The following RBFOX3 variants were observed in gnomAD, a reference collection of about 807,000 sequenced individuals.
RBFOX3 encodes the protein RNA binding fox-1 homolog 3.
A neutral mutation model predicts 48.7 loss-of-function variants in RBFOX3; 17 were observed. The ratio of observed to expected loss-of-function variants is 0.35; its 90% CI spans 0.24 to 0.52. RBFOX3 has a LOEUF of 0.52. Among genes scored for constraint, RBFOX3 ranks in the 20% least tolerant of loss-of-function variants. The pLI is 0.94. For synonymous variants in RBFOX3, 212 were observed against 209.5 expected (o/e 1.01, Z -0.10); for missense variants, 382 against 497.5 (o/e 0.77, Z 2.21).
chr17:79,456,557 G>A (rs923903484), intron 2 of RBFOX3, among the ~76,000 whole-genome samples: 5 of 152,098 alleles, frequency 3.3e-5, no homozygotes, highest in Non-Finnish European at 5.9e-5. Context: ...CTCTGCCTCT[G>A]ACCTAGTTCC....
intron 3 of RBFOX3, among the ~76,000 whole-genome samples, chr17:79,248,185 G>A (rs2063435720): frequency 6.6e-6 from 1 of 152,184 alleles, no homozygotes; most frequent in Non-Finnish European, 1.5e-5. Flanking sequence ...GAAGACTTCT[G>A]CACCTCTTGG....
intron 2 of RBFOX3, among the ~76,000 whole-genome samples, chr17:79,476,998 C>G (rs371568555): frequency 6.6e-6 from 1 of 151,904 alleles, no homozygotes; most frequent in African/African-American, 2.4e-5. Flanking sequence ...TTTGGGAGGC[C>G]TAGGTGGGTG....
rs1444134240 is a variant in RBFOX3, at chr17:79,445,325, G to A, written c.-175+37129C>T. Among the ~76,000 whole-genome samples, 5 of 152,196 alleles carry A rather than the reference G, an allele frequency of 3.3e-5. No individual in the cohort carries two copies. In the East Asian group the frequency reaches 9.6e-4, roughly 29 times the overall value. The stretch of plus-strand genomic sequence containing the variant: ...AGTGGGAATGTCAGGTGAAGCTCAG[G>A]CTGCAGGAGCCAAGGATGAAAAATG... On this transcript the variant is annotated intron_variant, in intron 2 of 14. Transcript: ENST00000693108.
chr17:79,473,828 A>G lies in RBFOX3; in HGVS notation c.-175+8626T>C, dbSNP rs1304184730. Among the ~76,000 whole-genome samples the G allele has an allele frequency of 6.6e-6, 1 of 151,980 alleles. No individual in the cohort carries two copies. The highest frequency in any genetic ancestry group is 2.4e-5 in the African/African-American group (1 of 41,360). Reference sequence around the variant, plus strand: ...CCATTTTTCTCCTCCTCCTAAAAGCACACACACACACTCACACACACACAC... The same window carrying G: ...CCATTTTTCTCCTCCTCCTAAAAGCGCACACACACACTCACACACACACAC... On this transcript the variant is annotated intron_variant, in intron 2 of 14. Transcript: ENST00000693108. The surrounding 1 kb of genome is among the most constrained non-coding windows in gnomAD (Gnocchi z 4.2).
rs556329297 is a variant in RBFOX3 at position 79,249,082 on chromosome 17, C to T, written c.-73-13277G>A. ...GAGGCTGCCTCCCCTGGGTCGGCAA[C>T]GCCACCTCGCTTCCTGCAGCTGACA... is the stretch of plus-strand genomic sequence containing the variant. On this transcript the variant is annotated intron_variant, in intron 3 of 14. Coordinates refer to ENST00000693108, the MANE Select transcript of RBFOX3 (RefSeq NM_001350451.2). The surrounding 1 kb of genome is among the most constrained non-coding windows in gnomAD (Gnocchi z 4.1). Among the ~76,000 whole-genome samples, 35 of 152,310 alleles carry T rather than the reference C, an allele frequency of 2.3e-4. No individual in the cohort carries two copies. The highest frequency in any genetic ancestry group is 4.6e-4 in the Non-Finnish European group (31 of 68,034).
At chr17:79,486,890 G>A (rs2079687856) in intron 1 of RBFOX3, among the ~76,000 whole-genome samples, 1 of 152,238 alleles carries the variant, frequency 6.6e-6, no homozygotes, top group African/African-American at 2.4e-5. Flanking sequence ...GAACCAGCCA[G>A]CACTGCTCCC....
intron 1 of RBFOX3, among the ~76,000 whole-genome samples, chr17:79,513,123 A>G (rs1269068086): frequency 6.7e-4 from 101 of 150,520 alleles, no homozygotes; most frequent in African/African-American, 2.2e-3. Flanking sequence ...ACACACACCC[A>G]GATACATGTT....
At chr17:79,177,534 C>T (rs904111221) in intron 4 of RBFOX3, among the ~76,000 whole-genome samples, 5 of 152,192 alleles carry the variant, frequency 3.3e-5, no homozygotes, top group Non-Finnish European at 4.4e-5. Context: ...CCCCCCTCTG[C>T]GAGCCCAACC....
At chr17:79,297,383 G>A (rs1412649334) in intron 3 of RBFOX3, among the ~76,000 whole-genome samples, 3 of 152,184 alleles carry the variant, frequency 2.0e-5, no homozygotes, top group South Asian at 4.1e-4. Flanking sequence ...CTGGGGTGCT[G>A]CTGCACATCC....
intron 1 of RBFOX3, among the ~76,000 whole-genome samples, chr17:79,486,157 G>A (rs1472040820): frequency 6.6e-6 from 1 of 152,200 alleles, no homozygotes; most frequent in African/African-American, 2.4e-5. Context: ...CGGCTCTCTA[G>A]GCCCCGCAGC....
At position 79,301,717 on chromosome 17, in the gene RBFOX3, T is replaced by C. The variant is rs989009062; in HGVS notation, c.-74+6007A>G. On this transcript the variant is annotated intron_variant, in intron 3 of 14. Coordinates refer to ENST00000693108, the MANE Select transcript of RBFOX3 (RefSeq NM_001350451.2). Reference sequence around the variant, plus strand: ...AGCAGCCCAGGTGTCCATCAAGGGATGGATGGAGAAGCAGAATGCGGTTCC... The same window carrying C: ...AGCAGCCCAGGTGTCCATCAAGGGACGGATGGAGAAGCAGAATGCGGTTCC... Among the ~76,000 whole-genome samples the C allele has an allele frequency of 9.9e-5, 15 of 152,134 alleles. No homozygotes were observed. In the East Asian group the frequency reaches 2.1e-3, roughly 22 times the overall value.
chr17:79,218,645 C>T (rs1031814569), intron 4 of RBFOX3, among the ~76,000 whole-genome samples: 1 of 152,182 alleles, frequency 6.6e-6, no homozygotes, highest in African/African-American at 2.4e-5. Flanking sequence ...CTCACACACG[C>T]CAGGTCAGGG....
Position 79,212,357 on chromosome 17 carries a change from G to A in RBFOX3, c.-34+23409C>T, listed in dbSNP as rs1382660065. On this transcript the variant is annotated intron_variant, in intron 4 of 14. Coordinates refer to ENST00000693108, the MANE Select transcript of RBFOX3 (RefSeq NM_001350451.2). The surrounding 1 kb of genome is among the most constrained non-coding windows in gnomAD (Gnocchi z 4.7). ...TTTGCCTGGGAGGAAGGAAGGGGCCGCACTTGCTCCAGCCTCTCTGGCTGC... is the reference window on the plus strand; with the variant it reads ...TTTGCCTGGGAGGAAGGAAGGGGCCACACTTGCTCCAGCCTCTCTGGCTGC... Among the ~76,000 whole-genome samples, 2 of 152,080 alleles carry A rather than the reference G, an allele frequency of 1.3e-5. No individual in the cohort carries two copies. Among genetic ancestry groups the A allele is most frequent in the African/African-American group, 4.8e-5 (2 of 41,400 alleles).
intron 1 of RBFOX3, among the ~76,000 whole-genome samples, chr17:79,566,796 T>C (rs2092471103): frequency 2.0e-5 from 3 of 152,216 alleles, no homozygotes; most frequent in Non-Finnish European, 2.9e-5. Flanking sequence ...CAGCCGAGCA[T>C]TGCCCCAGAG....
At chr17:79,592,817 A>C (rs1009856799) in intron 1 of RBFOX3, among the ~76,000 whole-genome samples, 3,275 of 152,280 alleles carry the variant, frequency 0.022, 109 homozygotes, top group African/African-American at 0.074. Context: ...GTCCTGGCGC[A>C]TCCCAAATGT....
intron 2 of RBFOX3, among the ~76,000 whole-genome samples, chr17:79,386,067 C>T (rs997759522): frequency 6.7e-6 from 1 of 149,680 alleles, no homozygotes; most frequent in African/African-American, 2.5e-5. Flanking sequence ...GGCTCCATCA[C>T]CCTCCATTGC....
the RBFOX3 span, among the ~76,000 whole-genome samples, chr17:79,639,483 A>G: frequency 6.6e-6 from 1 of 152,180 alleles, no homozygotes; most frequent in African/African-American, 2.4e-5. Flanking sequence ...GCCCCAAGCT[A>G]ATTTTATGAG....
upstream of RBFOX3, among the ~76,000 whole-genome samples, chr17:79,611,182 CTT>C (rs1491179393): frequency 6.4e-3 from 30 of 4,656 alleles, 5 homozygotes; most frequent in South Asian, 0.031. Context: ...CTCCGCCCTC[CTT>C]CTCTCTCTCT....
At chr17:79,107,854 G>T (rs1449521869) in intron 5 of RBFOX3, among the ~76,000 whole-genome samples, 1 of 152,230 alleles carries the variant, frequency 6.6e-6, no homozygotes, top group East Asian at 1.9e-4. Flanking sequence ...CAGGGTACAG[G>T]AGAGTCCCTC....
Sources: gnomAD v4.1 joint callset for allele counts (sites outside exome capture counted in the v4.1 genomes callset) on GRCh38, gnomAD v4.1.1 for gene constraint, Gnocchi (gnomAD v3.1) non-coding constraint, MANE v1.5 for transcripts, NCBI Gene and HGNC (gene_info 2026-07-23, HGNC 2026-07-21) for gene names.